Variants in AFAP1L2 observed in about 807,000 individuals in gnomAD.
AFAP1L2 encodes actin filament-associated protein 1-like 2.
Under a neutral mutation model 99.3 loss-of-function variants are expected in AFAP1L2, and 46 were observed. The observed-to-expected ratio is 0.46, with a 90% CI of 0.37 to 0.59. AFAP1L2 has a LOEUF of 0.59. Among genes scored for constraint, AFAP1L2 ranks in the 20% least tolerant of loss-of-function variants. AFAP1L2 has a pLI of 0.00. For missense variants in AFAP1L2, 959 were observed against 1,034.9 expected (o/e 0.93, Z 1.01); for synonymous variants, 397 against 419.1 (o/e 0.95, Z 0.64).
intron 11 of AFAP1L2, among the ~76,000 whole-genome samples, 161 bp from the exon 12 acceptor site, chr10:114,302,645 C>A (rs559951487): frequency 1.6e-4 from 25 of 152,208 alleles, no homozygotes; most frequent in East Asian, 7.7e-4. Flanking sequence ...GCCTATCCCA[C>A]CCCCCAGTGG....
At chr10:114,330,831 T>C (rs1029948530) in intron 4 of AFAP1L2, among the ~76,000 whole-genome samples, 5 of 152,268 alleles carry the variant, frequency 3.3e-5, no homozygotes, top group East Asian at 1.9e-4. Context: ...CCTCAGGAGC[T>C]GACATCAGGA....
chr10:114,308,823 T>C (rs1173731085), intron 8 of AFAP1L2, among the ~76,000 whole-genome samples: 1 of 152,198 alleles, frequency 6.6e-6, no homozygotes, highest in Non-Finnish European at 1.5e-5. Context: ...AAACCACTCA[T>C]ACTGAGAGTG....
the AFAP1L2 span, chr10:114,282,617 C>G: frequency 2.6e-6 from 4 of 1,558,836 alleles, no homozygotes; most frequent in Non-Finnish European, 3.5e-6. Context: ...GGGCCCTGGG[C>G]CCAGGCTGCT....
chr10:114,401,139 G>C (rs2058192766), intron 1 of AFAP1L2, among the ~76,000 whole-genome samples: 1 of 152,144 alleles, frequency 6.6e-6, no homozygotes, highest in Non-Finnish European at 1.5e-5. Context: ...ATCAAATTCA[G>C]AAACAAAAGA....
chr10:114,404,512 C>G, upstream of AFAP1L2: 1 of 1,509,708 alleles, frequency 6.6e-7, no homozygotes, highest in Non-Finnish European at 8.8e-7. Context: ...TCCCGGCGCT[C>G]GGCTCAGCGC....
chr10:114,286,229 G>T, the AFAP1L2 span: 9 of 1,613,358 alleles, frequency 5.6e-6, no homozygotes, highest in Non-Finnish European at 6.8e-6. Context: ...GCGGCAGGCG[G>T]CAGAGCGTGG....
intron 1 of AFAP1L2, among the ~76,000 whole-genome samples, chr10:114,359,413 T>C (rs1171760552): frequency 6.6e-6 from 1 of 152,228 alleles, no homozygotes; most frequent in Non-Finnish European, 1.5e-5. Flanking sequence ...TTCCTTGTAC[T>C]TCTTAATGGA....
intron 8 of AFAP1L2, 109 bp downstream of exon 8, chr10:114,310,244 TC>T: frequency 8.6e-7 from 1 of 1,160,460 alleles, no homozygotes. Context: ...ATTGTATGTT[TC>T]TTATTAATTG....
chr10:114,285,283 T>TG, the AFAP1L2 span, among the ~76,000 whole-genome samples: 1 of 152,214 alleles, frequency 6.6e-6, no homozygotes, highest in African/African-American at 2.4e-5. Flanking sequence ...CTCCCAGTCC[T>TG]GGGCAGAGTC....
chr10:114,285,967 C>G, the AFAP1L2 span: 1 of 1,607,292 alleles, frequency 6.2e-7, no homozygotes, highest in South Asian at 1.1e-5. Context: ...AATGCAGGGT[C>G]GACCTCCTCT....
intron 1 of AFAP1L2, among the ~76,000 whole-genome samples, chr10:114,350,684 C>T (rs866166423): frequency 6.6e-6 from 1 of 152,186 alleles, no homozygotes; most frequent in Admixed American, 6.5e-5. Context: ...GGACAGGAGG[C>T]ATCTCACTCT....
intron 1 of AFAP1L2, among the ~76,000 whole-genome samples, chr10:114,397,554 G>A (rs192693090): frequency 3.3e-5 from 5 of 152,266 alleles, no homozygotes; most frequent in Admixed American, 2.6e-4. Context: ...GCTTAGGTCC[G>A]GTAATAGGGC....
intron 7 of AFAP1L2, among the ~76,000 whole-genome samples, chr10:114,313,084 C>T (rs919007991): frequency 1.3e-5 from 2 of 150,680 alleles, no homozygotes; most frequent in Non-Finnish European, 3.0e-5. Context: ...GTGGATAGAA[C>T]GCTTCTGGGC....
chr10:114,310,420 C>A lies in AFAP1L2; in HGVS notation c.816G>T (p.Leu272=), dbSNP rs2043049412. 2.5e-6 allele frequency: 4 copies of A among 1,613,932 alleles called. No individual in the cohort carries two copies. The South Asian group carries it at 4.4e-5, about 18-fold the overall frequency. Residue 272 remains leucine (L), a synonymous_variant, in exon 8 of 19, where the codon CTG becomes CTT. Coordinates refer to ENST00000304129, the MANE Select transcript of AFAP1L2 (RefSeq NM_001001936.3). ...TTCCTTCAGATGCTCCTTCGGAAGG[C>A]AGGCCGCTCACTTCCTGGATGACCT... ...WLRVIQEVSG[L]PSEGASEGNQ...
chr10:114,301,537 T>A, intron 12 of AFAP1L2, 72 bp from the exon 13 acceptor site: 1 of 1,153,664 alleles, frequency 8.7e-7, no homozygotes, highest in Non-Finnish European at 1.3e-6. Flanking sequence ...CTCCAAGGAT[T>A]CCCAGTGAGG....
intron 1 of AFAP1L2, among the ~76,000 whole-genome samples, chr10:114,401,467 G>A (rs1044799885): frequency 6.6e-6 from 1 of 152,188 alleles, no homozygotes; most frequent in East Asian, 1.9e-4. Flanking sequence ...CCTTCTCAAA[G>A]CACCCTGTAG....
intron 1 of AFAP1L2, chr10:114,340,957 C>G: frequency 3.4e-6 from 2 of 591,818 alleles, no homozygotes; most frequent in East Asian, 6.0e-5. Flanking sequence ...AGATGAACAG[C>G]CTCCGCTGAA....
intron 2 of AFAP1L2, among the ~76,000 whole-genome samples, chr10:114,339,404 G>A (rs951694962): frequency 6.6e-6 from 1 of 152,200 alleles, no homozygotes; most frequent in East Asian, 1.9e-4. Flanking sequence ...CGGAGATCGC[G>A]CCACAACACT....
intron 5 of AFAP1L2, among the ~76,000 whole-genome samples, chr10:114,315,975 C>T (rs2044073820): frequency 6.6e-6 from 1 of 152,224 alleles, no homozygotes; most frequent in South Asian, 2.1e-4. Context: ...TTGGATGCTG[C>T]CTGTGGCCAC....
Sources: gnomAD v4.1 joint callset for allele counts (sites outside exome capture counted in the v4.1 genomes callset) on GRCh38, gnomAD v4.1.1 for gene constraint, MANE v1.5 for transcripts, NCBI Gene and HGNC (gene_info 2026-07-23, HGNC 2026-07-21) for gene names.